PDE3B: variants seen among roughly 807,000 people sequenced by gnomAD.
PDE3B encodes the protein cGMP-inhibited 3',5'-cyclic phosphodiesterase 3B.
PDE3B carries 66 observed loss-of-function variants against 116.8 expected under a neutral mutation model. The ratio of observed to expected loss-of-function variants is 0.56; its 90% confidence interval spans 0.46 to 0.69. The LOEUF (loss-of-function observed/expected upper bound fraction) is 0.69. Among genes scored for constraint, PDE3B ranks in the 30% least tolerant of loss-of-function variants. The probability of loss-of-function intolerance (pLI) is 0.00; values close to 1 mark genes in which losing one functional copy is unlikely to be tolerated. For synonymous variants in PDE3B, 595 were observed against 533.6 expected (o/e 1.12, Z -1.59); for missense variants, 1,384 against 1,368.1 (o/e 1.01, Z -0.18).
intron 5 of PDE3B, among the ~76,000 whole-genome samples, chr11:14,807,983 C>T (rs1031891502): frequency 1.1e-4 from 17 of 151,696 alleles, no homozygotes; most frequent in Non-Finnish European, 2.9e-5. Context: ...TCGCTTGAAC[C>T]CGGGAGACAG....
chr11:14,727,157 T>C (rs375549711), intron 1 of PDE3B, among the ~76,000 whole-genome samples: 8 of 152,164 alleles, frequency 5.3e-5, no homozygotes, highest in African/African-American at 1.4e-4. Context: ...GTTATAACTC[T>C]TCAGTAAATT....
intron 4 of PDE3B, among the ~76,000 whole-genome samples, chr11:14,796,070 C>A (rs1858542305): frequency 6.6e-6 from 1 of 152,128 alleles, no homozygotes; most frequent in South Asian, 2.1e-4. Flanking sequence ...GTTCCCCTCC[C>A]TTTGTCCATG....
chr11:14,662,763 G>A (rs1351099936), intron 1 of PDE3B, among the ~76,000 whole-genome samples: 1 of 152,158 alleles, frequency 6.6e-6, no homozygotes, highest in African/African-American at 2.4e-5. Flanking sequence ...AGAGAAAAGA[G>A]AATAACAAGA....
chr11:14,789,104 A>G lies in PDE3B; in HGVS notation c.1279-2A>G. 1 of 1,598,808 alleles carries G rather than the reference A, an allele frequency of 6.3e-7. No individual in the cohort carries two copies. The highest frequency in any genetic ancestry group is 1.1e-5 in the South Asian group (1 of 88,454). On this transcript the variant is annotated splice_acceptor_variant, in intron 3 of 15. Coordinates refer to ENST00000282096, the MANE Select transcript of PDE3B (RefSeq NM_000922.4). LOFTEE classifies it high-confidence loss of function. ...TTAAACCATTGTTAAATTATTCAAC[A>G]GGGACTAAATAGGAATAGTTTGCCA...
intron 10 of PDE3B, among the ~76,000 whole-genome samples, chr11:14,833,667 A>G (rs1348991082): frequency 2.6e-5 from 4 of 152,194 alleles, no homozygotes. Context: ...AAAAAGATGG[A>G]CTGTCTTTAT....
intron 8 of PDE3B, among the ~76,000 whole-genome samples, chr11:14,831,290 A>G (rs1859875571): frequency 6.6e-6 from 1 of 151,724 alleles, no homozygotes; most frequent in South Asian, 2.1e-4. Context: ...ATAAATGCCA[A>G]TATAAGGATA....
chr11:14,893,681 G>C, the PDE3B span, among the ~76,000 whole-genome samples: 2 of 152,198 alleles, frequency 1.3e-5, no homozygotes, highest in Admixed American at 1.3e-4. Context: ...CAACATCGCT[G>C]TCTCTCTGAT....
chr11:14,882,517 A>G, the PDE3B span, among the ~76,000 whole-genome samples: 6 of 152,146 alleles, frequency 3.9e-5, no homozygotes, highest in Admixed American at 3.9e-4. Flanking sequence ...TAAAAACCCT[A>G]CACTGGCCAA....
intron 12 of PDE3B, among the ~76,000 whole-genome samples, chr11:14,849,024 G>A (rs1303760467): frequency 1.1e-4 from 17 of 151,732 alleles, no homozygotes; most frequent in African/African-American, 2.4e-4. Context: ...AGCCTGCATC[G>A]CCAAGTCAAT....
At chr11:14,809,575 G>T (rs1859062336) in intron 5 of PDE3B, among the ~76,000 whole-genome samples, 1 of 152,190 alleles carries the variant, frequency 6.6e-6, no homozygotes, top group Non-Finnish European at 1.5e-5. Flanking sequence ...TGGTTTTAAT[G>T]CTTGTGTACT....
chr11:14,817,666 G>GT (rs965486036), intron 5 of PDE3B, among the ~76,000 whole-genome samples: 4 of 152,158 alleles, frequency 2.6e-5, no homozygotes, highest in African/African-American at 9.6e-5. Context: ...AACCCAGGAG[G>GT]TTGAGTCTGC....
At chr11:14,654,248 A>G (rs564988236) in intron 1 of PDE3B, among the ~76,000 whole-genome samples, 1 of 152,168 alleles carries the variant, frequency 6.6e-6, no homozygotes, top group African/African-American at 2.4e-5. Flanking sequence ...AAACCCATAC[A>G]TTATTGCAAA....
chr11:14,711,813 T>C (rs973436041), intron 1 of PDE3B, among the ~76,000 whole-genome samples: 1 of 152,230 alleles, frequency 6.6e-6, no homozygotes, highest in African/African-American at 2.4e-5. Flanking sequence ...ACAGTATTTG[T>C]ATTCTTAATT....
intron 1 of PDE3B, among the ~76,000 whole-genome samples, chr11:14,652,529 G>T (rs933433866): frequency 2.6e-5 from 4 of 152,040 alleles, no homozygotes; most frequent in Non-Finnish European, 5.9e-5. Flanking sequence ...TGTCATTGGG[G>T]TTTATTTTTT....
chr11:14,896,975 C>CA, the PDE3B span, among the ~76,000 whole-genome samples: 1 of 152,070 alleles, frequency 6.6e-6, no homozygotes, highest in Non-Finnish European at 1.5e-5. Flanking sequence ...AAAAAGGAAA[C>CA]AATAATTATC....
At chr11:14,757,691 T>C (rs1490736648) in intron 1 of PDE3B, among the ~76,000 whole-genome samples, 1 of 136,920 alleles carries the variant, frequency 7.3e-6, no homozygotes, top group Non-Finnish European at 1.5e-5. Flanking sequence ...TCATTGTAGA[T>C]TCTGGATATT....
chr11:14,709,524 G>C (rs1309064202), intron 1 of PDE3B, among the ~76,000 whole-genome samples: 2 of 152,100 alleles, frequency 1.3e-5, no homozygotes, highest in African/African-American at 4.8e-5. Flanking sequence ...CAGTAACCTG[G>C]GGACAGTACC....
chr11:14,670,529 C>T (rs578079056), intron 1 of PDE3B, among the ~76,000 whole-genome samples: 11 of 151,964 alleles, frequency 7.2e-5, no homozygotes, highest in South Asian at 2.1e-4. Flanking sequence ...GGGATTAATA[C>T]GAGAAAATCT....
intron 13 of PDE3B, among the ~76,000 whole-genome samples, 158 bp from the exon 14 acceptor site, chr11:14,861,047 A>G (rs1437008337): frequency 6.6e-6 from 1 of 152,186 alleles, no homozygotes; most frequent in Admixed American, 6.5e-5. Context: ...AGAGGTCCAT[A>G]TTATGGAATA....
Sources: allele counts gnomAD v4.1 joint callset (sites outside exome capture counted in the v4.1 genomes callset), GRCh38; gene constraint gnomAD v4.1.1; transcripts MANE v1.5; gene names NCBI Gene and HGNC (gene_info 2026-07-23, HGNC 2026-07-21).